DYNC2H1: variants seen among roughly 807,000 people sequenced by gnomAD.
The protein encoded by DYNC2H1 is dynein cytoplasmic 2 heavy chain 1.
DYNC2H1 carries 410 observed loss-of-function variants against 570.0 expected under a neutral mutation model. That is an observed-to-expected ratio of 0.72 (90% CI 0.66 to 0.78). DYNC2H1 has a LOEUF of 0.78. Among genes scored for constraint, DYNC2H1 ranks in the 30% least tolerant of loss-of-function variants. The probability of loss-of-function intolerance (pLI) is 0.00; values close to 1 mark genes in which losing one functional copy is unlikely to be tolerated. For synonymous variants in DYNC2H1, 1,688 were observed against 1,677.6 expected, an observed-to-expected ratio of 1.01 and a Z score of -0.15; for missense variants, 4,865 against 5,046.4, an observed-to-expected ratio of 0.96 and a Z score of 1.09.
chr11:103,297,241 T>G (rs1402992673), intron 75 of DYNC2H1, among the ~76,000 whole-genome samples: 1 of 152,164 alleles, frequency 6.6e-6, no homozygotes, highest in South Asian at 2.1e-4. Context: ...GATTTTTTTA[T>G]ACTAGCATCT....
In DYNC2H1 at chr11:103,157,352, T is replaced by C. The variant is rs977847315; in HGVS notation, c.4127+582T>C. Among the ~76,000 whole-genome samples, 1 of 152,236 alleles carries C rather than the reference T, an allele frequency of 6.6e-6. No homozygotes were observed. The highest frequency in any genetic ancestry group is 2.4e-5 in the African/African-American group (1 of 41,476). ...CTTACATGTACAGCCCATATTTCTC[T>C]TCTGAGCTCCAAATCTACCAAACAT... On this transcript the variant is annotated intron_variant, in intron 26 of 88. Transcript: ENST00000375735. This position sits in a 1 kb window ranked among gnomAD's most constrained non-coding sequence, Gnocchi z 4.2.
At position 103,256,264 on chromosome 11, in the gene DYNC2H1, T is replaced by C; in HGVS notation, c.10461+24T>C. ...AAGTAATTATTTCCTTCTTTGTAATTTCGTATTATGTTTTCTTGAACATTT... is the reference window on the plus strand; with the variant it reads ...AAGTAATTATTTCCTTCTTTGTAATCTCGTATTATGTTTTCTTGAACATTT... On this transcript the variant is annotated intron_variant, in intron 68 of 88. Coordinates refer to ENST00000375735, the MANE Select transcript of DYNC2H1 (RefSeq NM_001377.3). This position sits in a 1 kb window ranked among gnomAD's most constrained non-coding sequence, Gnocchi z 4.0. The C allele has an allele frequency of 2.5e-6, 4 of 1,573,178 alleles. No homozygotes were observed. The highest frequency in any genetic ancestry group is 1.2e-5 in the South Asian group (1 of 83,360).
Position 103,459,952 on chromosome 11 carries a change from C to G in DYNC2H1, c.12648+3596C>G, listed in dbSNP as rs557130391. On this transcript the variant is annotated intron_variant, in intron 87 of 88. Coordinates refer to ENST00000375735, the MANE Select transcript of DYNC2H1 (RefSeq NM_001377.3). ...CCGGCCTGGGCGACAGAGCGAGACT[C>G]CGTCTCAAAAAAAAAAGAAAAAAAA... 3.7e-3 allele frequency among the ~76,000 whole-genome samples: 464 copies of G among 125,682 alleles called. 3 individuals carry two copies. The highest frequency in any genetic ancestry group is 0.015 in the African/African-American group (444 of 29,332). 82.5% of individuals were successfully genotyped at this position (125,682 alleles called of 152,430 possible).
intron 83 of DYNC2H1, among the ~76,000 whole-genome samples, chr11:103,360,228 A>G (rs1284157300): frequency 6.6e-6 from 1 of 152,130 alleles, no homozygotes; most frequent in Admixed American, 6.5e-5. Flanking sequence ...ATGATTTTGA[A>G]TGCTAATTAA....
chr11:103,388,458 A>T (rs1002747500), intron 83 of DYNC2H1, among the ~76,000 whole-genome samples: 16 of 152,196 alleles, frequency 1.1e-4, no homozygotes, highest in Non-Finnish European at 2.1e-4. Flanking sequence ...AAGAGGGACA[A>T]TTTGACTTCC....
At chr11:103,430,534 T>C (rs1943850693) in intron 84 of DYNC2H1, among the ~76,000 whole-genome samples, 1 of 152,126 alleles carries the variant, frequency 6.6e-6, no homozygotes, top group South Asian at 2.1e-4. Context: ...GTTCTTCCCA[T>C]TTCTACTAGG....
chr11:103,218,922 TC>T (rs1286297729), intron 55 of DYNC2H1, among the ~76,000 whole-genome samples: 1 of 152,222 alleles, frequency 6.6e-6, no homozygotes, highest in Non-Finnish European at 1.5e-5. Context: ...TTGTGTAACT[TC>T]TAAGGCTTGC....
At chr11:103,195,092 G>T (rs570322607) in intron 47 of DYNC2H1, among the ~76,000 whole-genome samples, 1 of 152,294 alleles carries the variant, frequency 6.6e-6, no homozygotes, top group Admixed American at 6.5e-5. Context: ...TATATGGTTT[G>T]CAAATATATT....
intron 17 of DYNC2H1, among the ~76,000 whole-genome samples, chr11:103,136,435 C>G (rs1001663508): frequency 4.7e-5 from 7 of 150,534 alleles, no homozygotes; most frequent in African/African-American, 1.7e-4. Context: ...TCCATGTGCT[C>G]TCATTGTTCA....
chr11:103,339,676 T>A (rs313424), intron 82 of DYNC2H1, among the ~76,000 whole-genome samples: 1 of 152,220 alleles, frequency 6.6e-6, no homozygotes, highest in East Asian at 1.9e-4. Context: ...CTGAAGCCAG[T>A]GTCGTGCTGG....
In DYNC2H1 at chr11:103,321,866, A is replaced by G. The variant is rs551694384; in HGVS notation, c.11934+629A>G. On this transcript the variant is annotated intron_variant, in intron 81 of 88. Coordinates refer to ENST00000375735, the MANE Select transcript of DYNC2H1 (RefSeq NM_001377.3). ...CCTATCTGTGTATAAGTGTGCAAATAATTCTTTATTAGAGTACTATAATTA... is the reference window on the plus strand; with the variant it reads ...CCTATCTGTGTATAAGTGTGCAAATGATTCTTTATTAGAGTACTATAATTA... Among the ~76,000 whole-genome samples, 36 of 152,234 alleles carry G rather than the reference A, an allele frequency of 2.4e-4. No individual in the cohort carries two copies. The South Asian group carries it at 7.5e-3, about 32-fold the overall frequency.
chr11:103,149,850 T>C (rs2134862407), intron 20 of DYNC2H1, among the ~76,000 whole-genome samples: 1 of 151,920 alleles, frequency 6.6e-6, no homozygotes, highest in East Asian at 1.9e-4. Context: ...AGGATGAGTA[T>C]GCTCAACTAG....
chr11:103,158,605 A>T, intron 26 of DYNC2H1, 72 bp from the exon 27 acceptor site: 1 of 1,260,698 alleles, frequency 7.9e-7, no homozygotes, highest in South Asian at 1.5e-5. Flanking sequence ...AGGTAAAAAA[A>T]GTCTTAATCT....
At chr11:103,200,468 A>G (rs745805833) in intron 50 of DYNC2H1, among the ~76,000 whole-genome samples, 2 of 152,192 alleles carry the variant, frequency 1.3e-5, no homozygotes, top group Non-Finnish European at 2.9e-5. Context: ...GGACTTATTA[A>G]AAGCTGTGCC....
intron 83 of DYNC2H1, among the ~76,000 whole-genome samples, chr11:103,394,381 G>A (rs114573300): frequency 0.014 from 2,057 of 152,104 alleles, 51 homozygotes; most frequent in African/African-American, 0.046. Flanking sequence ...AACTACTTAC[G>A]TAATGCTTAC....
rs370857674 is a variant in DYNC2H1, at chr11:103,174,080, T to G, written c.5584T>G (p.Tyr1862Asp). 1 of 1,589,306 alleles carries G rather than the reference T, an allele frequency of 6.3e-7. No individual in the cohort carries two copies. The highest frequency in any genetic ancestry group is 8.6e-7 in the Non-Finnish European group (1 of 1,166,494). ...SRELLTPQQH[Y>D]DWGLRALKTV... Reference sequence around the variant, plus strand: ...GGAACTTTTGACACCTCAGCAACATTATGATTGGGGTTTGAGAGCTTTGAA... The same window carrying G: ...GGAACTTTTGACACCTCAGCAACATGATGATTGGGGTTTGAGAGCTTTGAA... The change falls in exon 36 of 89, where the codon TAT (tyrosine) becomes GAT (aspartate). Residue 1862 changes from tyrosine to aspartate, a missense_variant. By Grantham distance (160) the Tyr-to-Asp change is radical. This residue lies in a region of DYNC2H1 where 292 missense variants were observed against 300.2 expected (regional missense o/e 0.97). Transcript: ENST00000375735.
intron 54 of DYNC2H1, among the ~76,000 whole-genome samples, chr11:103,214,103 A>G (rs1863271307): frequency 6.6e-6 from 1 of 152,020 alleles, no homozygotes; most frequent in East Asian, 1.9e-4. Context: ...TTCCCAATAT[A>G]TACTTTGCTG....
At chr11:103,156,950 A>G (rs1444740882) in intron 26 of DYNC2H1, among the ~76,000 whole-genome samples, 180 bp downstream of exon 26, 1 of 152,200 alleles carries the variant, frequency 6.6e-6, no homozygotes, top group Non-Finnish European at 1.5e-5. Context: ...TACTTCTTGA[A>G]CCATTATGGT....
chr11:103,137,686 C>G (rs1483169994), intron 17 of DYNC2H1, among the ~76,000 whole-genome samples: 4 of 151,894 alleles, frequency 2.6e-5, no homozygotes, highest in Non-Finnish European at 5.9e-5. Flanking sequence ...GTTCTTTTGG[C>G]TTAGGATTGA....
Sources: allele counts gnomAD v4.1 joint callset (sites outside exome capture counted in the v4.1 genomes callset), GRCh38; gene constraint gnomAD v4.1.1; regional missense constraint gnomAD v4.1.1; non-coding constraint Gnocchi (gnomAD v3.1); transcripts MANE v1.5; gene names NCBI Gene and HGNC (gene_info 2026-07-23, HGNC 2026-07-21).